Variants in ZNF384 observed in about 807,000 individuals in gnomAD.
ZNF384 encodes CAG repeat protein 1.
In ZNF384, 20 loss-of-function variants were observed where a neutral mutation model predicts 65.0. That is an observed-to-expected ratio of 0.31 (90% confidence interval 0.22 to 0.45). ZNF384 has a LOEUF of 0.45. ZNF384 is among the 20% of genes least tolerant of loss of function. The pLI is 1.00. For missense variants in ZNF384, 549 were observed against 769.4 expected (o/e 0.71, Z 3.39); for synonymous variants, 310 against 303.9 (o/e 1.02, Z -0.21).
chr12:6,670,060 T>G (rs1950947003), intron 10 of ZNF384, among the ~76,000 whole-genome samples: 1 of 152,220 alleles, frequency 6.6e-6, no homozygotes, highest in Non-Finnish European at 1.5e-5. Flanking sequence ...TTACAGAGGT[T>G]ACATGATGTG....
At chr12:6,682,112 T>C (rs1274527171) in intron 2 of ZNF384, among the ~76,000 whole-genome samples, 2 of 147,714 alleles carry the variant, frequency 1.4e-5, no homozygotes, top group Admixed American at 1.4e-4. Context: ...AGCAATATAT[T>C]TGAGACCGTG....
intron 10 of ZNF384, among the ~76,000 whole-genome samples, chr12:6,670,444 A>T (rs1003948194): frequency 2.0e-5 from 3 of 152,006 alleles, no homozygotes; most frequent in African/African-American, 7.2e-5. Context: ...AAAAATAGAC[A>T]CCTGCAAAAA....
In ZNF384 at chr12:6,670,857, A is replaced by G. The variant is rs115580099; in HGVS notation, c.1188-19T>C. On this transcript the variant is annotated intron_variant, in intron 9 of 11. Coordinates refer to ENST00000683879, the MANE Select transcript of ZNF384 (RefSeq NM_001385745.1). The stretch of plus-strand genomic sequence containing the variant: ...GTGGATTCTGCACAGGATAAGAGAA[A>G]AAAGGGAAAGAATGTCAGCAAGACC... The G allele has an allele frequency of 1.8e-3, 2,902 of 1,610,634 alleles. 40 individuals carry two copies. In the African/African-American group the frequency reaches 0.025, roughly 14 times the overall value.
intron 2 of ZNF384, among the ~76,000 whole-genome samples, chr12:6,680,574 G>A (rs1199862355): frequency 6.6e-6 from 1 of 151,836 alleles, no homozygotes; most frequent in Non-Finnish European, 1.5e-5. Context: ...CTTGAACCGG[G>A]AGGCGGAGGT....
chr12:6,685,546 G>C (rs1408136241), intron 2 of ZNF384, among the ~76,000 whole-genome samples: 2 of 152,092 alleles, frequency 1.3e-5, no homozygotes, highest in African/African-American at 4.8e-5. Context: ...GCCGAGGCAG[G>C]TGGACTGCCT....
intron 2 of ZNF384, among the ~76,000 whole-genome samples, chr12:6,685,445 A>G (rs1957557000): frequency 6.6e-6 from 1 of 152,016 alleles, no homozygotes; most frequent in East Asian, 1.9e-4. Flanking sequence ...CAACTTTACT[A>G]TTGCACCAAG....
chr12:6,679,493 G>C lies in ZNF384; in HGVS notation c.28C>G (p.Pro10Ala), dbSNP rs547987690. ...GTGGGGATAGAAGGCCAGAAGTACGGGTTAGAATTGAAGTGAGATTCTTCC... is the reference window on the plus strand; with the variant it reads ...GTGGGGATAGAAGGCCAGAAGTACGCGTTAGAATTGAAGTGAGATTCTTCC... MEESHFNSNPYFWPSIPTVS... is the reference protein window; with the variant it reads MEESHFNSNAYFWPSIPTVS... The change falls in exon 3 of 12, where the codon CCG becomes GCG. Residue 10 changes from proline (P) to alanine (A), a missense_variant. Physicochemically the swap from Pro to Ala is conservative, Grantham distance 27. Coordinates refer to ENST00000683879, the MANE Select transcript of ZNF384 (RefSeq NM_001385745.1). The C allele has an allele frequency of 3.1e-6, 5 of 1,614,010 alleles. No individual in the cohort carries two copies. Among genetic ancestry groups the C allele is most frequent in the African/African-American group, 2.7e-5 (2 of 75,016 alleles).
rs1378565945 is a variant in ZNF384, at chr12:6,666,714, T to C, written c.*1000A>G. The C allele has an allele frequency of 6.3e-6, 1 of 159,220 alleles. No homozygotes were observed. Among genetic ancestry groups the C allele is most frequent in the Non-Finnish European group, 1.3e-5 (1 of 75,394 alleles). The allele number at this position is 159,220 out of a possible 1,614,324, so 9.9% of individuals were successfully genotyped here. On this transcript the variant is annotated 3_prime_UTR_variant, in exon 12 of 12. Transcript: ENST00000683879. ...GAGAGAGGGAAAAAAAGGACAAAAA[T>C]AAACAAAACATCAAATATGAAAATT...
Position 6,669,946 on chromosome 12 carries a change from A to G in ZNF384, c.1267-757T>C, listed in dbSNP as rs952813096. On this transcript the variant is annotated intron_variant, in intron 10 of 11. Coordinates refer to ENST00000683879, the MANE Select transcript of ZNF384 (RefSeq NM_001385745.1). Reference sequence around the variant, plus strand: ...CAAACACGCACACGCGCGCGCGCACACACACACACACACACAAACACAAAG... The same window carrying G: ...CAAACACGCACACGCGCGCGCGCACGCACACACACACACACAAACACAAAG... Among the ~76,000 whole-genome samples, 291 of 142,354 alleles carry G rather than the reference A, an allele frequency of 2.0e-3. 1 individual carries two copies. The highest frequency in any genetic ancestry group is 6.7e-3 in the African/African-American group (274 of 41,028). 93.4% of individuals were successfully genotyped at this position (142,354 alleles called of 152,430 possible). A position where few individuals can be genotyped will look rare whatever the true frequency, so the allele number is the denominator to read the frequency against.
chr12:6,683,440 G>A lies in ZNF384; in HGVS notation c.-5-3915C>T, dbSNP rs569040535. On this transcript the variant is annotated intron_variant, in intron 2 of 11. Coordinates refer to ENST00000683879, the MANE Select transcript of ZNF384 (RefSeq NM_001385745.1). ...TGCCTGTAATCCTAACACTTTGGGA[G>A]GGCGAGGTAGGTGGGTCACTTGAGC... 5.3e-5 allele frequency among the ~76,000 whole-genome samples: 8 copies of A among 152,140 alleles called. No homozygotes were observed. In the South Asian group the frequency reaches 1.7e-3, roughly 32 times the overall value.
intron 2 of ZNF384, among the ~76,000 whole-genome samples, chr12:6,687,376 T>C (rs1958309325): frequency 6.6e-6 from 1 of 152,100 alleles, no homozygotes; most frequent in South Asian, 2.1e-4. Context: ...TGTTCCACTA[T>C]AAATGATGGA....
chr12:6,672,914 A>G lies in ZNF384; in HGVS notation c.1004+302T>C. ...TCCCCATGGACCTGAAGTTGAATGC[A>G]CACCTTGGCTCTGAACTGAAGCATA... On this transcript the variant is annotated intron_variant, in intron 8 of 11. Coordinates refer to ENST00000683879, the MANE Select transcript of ZNF384 (RefSeq NM_001385745.1). This position sits in a 1 kb window ranked among gnomAD's most constrained non-coding sequence, Gnocchi z 4.4. The G allele has an allele frequency of 2.2e-6, 1 of 462,882 alleles. No homozygotes were observed. The highest frequency in any genetic ancestry group is 3.9e-5 in the East Asian group (1 of 25,752). The allele number at this position is 462,882 out of a possible 1,614,324, so 28.7% of individuals were successfully genotyped here. A position where few individuals can be genotyped will look rare whatever the true frequency, so the allele number is the denominator to read the frequency against.
At chr12:6,688,886 A>T (rs1433998033) in intron 1 of ZNF384, 2 of 152,266 alleles carry the variant, frequency 1.3e-5, no homozygotes, top group Non-Finnish European at 2.9e-5. Flanking sequence ...CCCTCCAGGG[A>T]GCTGAACTCT....
rs1458315517 is a variant in ZNF384, at chr12:6,666,885, C to G, written c.*829G>C. ...GGCACCTAGGGAGCTAAGTCCAGTC[C>G]TTGCGTTTGCCTTGAACTCTCCCTT... On this transcript the variant is annotated 3_prime_UTR_variant, in exon 12 of 12. Coordinates refer to ENST00000683879, the MANE Select transcript of ZNF384 (RefSeq NM_001385745.1). The G allele has an allele frequency of 1.6e-5, 3 of 189,060 alleles. No individual in the cohort carries two copies. The highest frequency in any genetic ancestry group is 7.0e-5 in the African/African-American group (3 of 42,774). 11.7% of individuals were successfully genotyped at this position (189,060 alleles called of 1,614,324 possible).
intron 10 of ZNF384, among the ~76,000 whole-genome samples, chr12:6,669,934 G>A (rs533376197): frequency 6.5e-5 from 9 of 138,232 alleles, no homozygotes; most frequent in East Asian, 2.0e-4. Flanking sequence ...ACACGCACAC[G>A]CGCGCGCGCA....
At chr12:6,688,599 C>A (rs951676426) in intron 1 of ZNF384, 2 of 152,400 alleles carry the variant, frequency 1.3e-5, no homozygotes, top group Admixed American at 6.5e-5. Context: ...AAGCTGAGGG[C>A]TGGGGGATGC....
chr12:6,687,933 G>A (rs916407762), intron 2 of ZNF384, among the ~76,000 whole-genome samples: 1 of 152,140 alleles, frequency 6.6e-6, no homozygotes, highest in African/African-American at 2.4e-5. Context: ...CATTCCTGAT[G>A]AGCATTAGTA....
At chr12:6,683,108 T>C (rs1174851261) in intron 2 of ZNF384, among the ~76,000 whole-genome samples, 2 of 150,180 alleles carry the variant, frequency 1.3e-5, no homozygotes, top group Admixed American at 6.7e-5. Flanking sequence ...CTGGTCAACA[T>C]GGTGAAACCC....
intron 7 of ZNF384, among the ~76,000 whole-genome samples, chr12:6,675,632 A>G (rs1286492199): frequency 6.6e-6 from 1 of 152,224 alleles, no homozygotes; most frequent in Non-Finnish European, 1.5e-5. Flanking sequence ...GCCAGCATCC[A>G]TATCATGGGG....
Sources: allele counts gnomAD v4.1 joint callset (sites outside exome capture counted in the v4.1 genomes callset), GRCh38; gene constraint gnomAD v4.1.1; non-coding constraint Gnocchi (gnomAD v3.1); transcripts MANE v1.5; gene names NCBI Gene and HGNC (gene_info 2026-07-23, HGNC 2026-07-21).